Variants in DIS3L2 observed in about 807,000 individuals in gnomAD.
DIS3L2 encodes DIS3 like 3'-5' exoribonuclease 2.
Under a neutral mutation model 97.5 loss-of-function variants are expected in DIS3L2, and 34 were observed. That is an observed-to-expected ratio of 0.35 (90% CI 0.27 to 0.46). DIS3L2 has a LOEUF of 0.46. Among genes scored for constraint, DIS3L2 ranks in the 20% least tolerant of loss-of-function variants. The pLI, the probability that DIS3L2 is intolerant of heterozygous loss-of-function variation, is 1.00. For synonymous variants in DIS3L2, 435 were observed against 445.2 expected, an observed-to-expected ratio of 0.98 and a Z score of 0.29; for missense variants, 1,038 against 1,146.0, an observed-to-expected ratio of 0.91 and a Z score of 1.36.
chr2:232,333,176 G>GCCGCCTCCTCCTCCTCCTCCT, intron 16 of DIS3L2, among the ~76,000 whole-genome samples: 1 of 26,188 alleles, frequency 3.8e-5, no homozygotes, highest in African/African-American at 1.4e-4. Flanking sequence ...CTCCGCTGTC[G>GCCGCCTCCTCCTCCTCCTCCT]CCTCCTCCTC....
At chr2:232,296,537 G>C (rs1346552950) in intron 13 of DIS3L2, among the ~76,000 whole-genome samples, 1 of 152,162 alleles carries the variant, frequency 6.6e-6, no homozygotes, top group South Asian at 2.1e-4. Context: ...ATTGAATTAT[G>C]GGGGTGGGCT....
intron 10 of DIS3L2, among the ~76,000 whole-genome samples, chr2:232,216,536 C>T (rs1459954984): frequency 6.6e-6 from 1 of 152,164 alleles, no homozygotes; most frequent in Non-Finnish European, 1.5e-5. Context: ...CGTGAAGCCT[C>T]CCTAGCCATT....
intron 6 of DIS3L2, among the ~76,000 whole-genome samples, chr2:232,089,334 G>A (rs1158587622): frequency 6.6e-6 from 1 of 152,192 alleles, no homozygotes; most frequent in Admixed American, 6.5e-5. Context: ...TTTGTTTGGG[G>A]ACACGTTTAG....
At chr2:232,134,848 T>C (rs1698313330) in intron 7 of DIS3L2, among the ~76,000 whole-genome samples, 1 of 151,332 alleles carries the variant, frequency 6.6e-6, no homozygotes, top group South Asian at 2.1e-4. Context: ...AAAGTGTGCA[T>C]GTGGTATTGG....
chr2:232,330,916 C>G, intron 16 of DIS3L2, 140 bp downstream of exon 16: 1 of 886,726 alleles, frequency 1.1e-6, no homozygotes, highest in East Asian at 2.5e-5. Flanking sequence ...TGCTCCTCCT[C>G]TGCCAGAGGG....
At chr2:232,067,873 T>C (rs932022106) in intron 5 of DIS3L2, among the ~76,000 whole-genome samples, 13 of 152,210 alleles carry the variant, frequency 8.5e-5, no homozygotes, top group African/African-American at 2.9e-4. Context: ...TTTTCCCTGG[T>C]AATGCCTTTT....
chr2:232,173,267 C>G (rs1394279604), intron 9 of DIS3L2, among the ~76,000 whole-genome samples: 2 of 152,180 alleles, frequency 1.3e-5, no homozygotes, highest in Non-Finnish European at 2.9e-5. Flanking sequence ...GAGATGGCGT[C>G]TCTGTTATCC....
chr2:232,297,141 T>C (rs1694743970), intron 13 of DIS3L2, among the ~76,000 whole-genome samples: 1 of 152,198 alleles, frequency 6.6e-6, no homozygotes, highest in African/African-American at 2.4e-5. Flanking sequence ...CATCATCTCA[T>C]TGGGCTACTG....
At chr2:232,146,868 G>A (rs180918013) in intron 8 of DIS3L2, among the ~76,000 whole-genome samples, 1 of 152,222 alleles carries the variant, frequency 6.6e-6, no homozygotes, top group East Asian at 1.9e-4. Flanking sequence ...CCAACTTTGT[G>A]ATATTAAAGG....
chr2:232,194,598 G>A (rs565102026), intron 9 of DIS3L2, among the ~76,000 whole-genome samples: 12 of 152,306 alleles, frequency 7.9e-5, no homozygotes, highest in South Asian at 2.1e-4. Context: ...GTAATTGTAC[G>A]TTCTAAGAAT....
At chr2:232,341,299 C>T (rs746912956), downstream of DIS3L2, among the ~76,000 whole-genome samples, 14 of 152,172 alleles carry the variant, frequency 9.2e-5, no homozygotes, top group Non-Finnish European at 1.3e-4. Context: ...CAACCCGCCC[C>T]GGGACGTCCC....
chr2:232,160,788 C>T (rs778977604), intron 8 of DIS3L2, among the ~76,000 whole-genome samples: 63 of 152,158 alleles, frequency 4.1e-4, no homozygotes, highest in Non-Finnish European at 4.0e-4. Flanking sequence ...CCTGGGAAGT[C>T]GAGGCTGCAG....
At chr2:232,053,538 C>T (rs558358961) in intron 5 of DIS3L2, among the ~76,000 whole-genome samples, 12 of 152,274 alleles carry the variant, frequency 7.9e-5, no homozygotes, top group East Asian at 3.9e-4. Context: ...TGCCCTCTAC[C>T]CAGGTGCCAG....
intron 1 of DIS3L2, among the ~76,000 whole-genome samples, chr2:232,000,611 T>TC (rs1406039785): frequency 2.5e-4 from 36 of 143,876 alleles, no homozygotes; most frequent in African/African-American, 7.0e-4. Context: ...TCCTTTCCTT[T>TC]CTTTTCCTTT....
At chr2:231,971,676 G>A (rs1692916875) in intron 1 of DIS3L2, among the ~76,000 whole-genome samples, 1 of 151,954 alleles carries the variant, frequency 6.6e-6, no homozygotes, top group Non-Finnish European at 1.5e-5. Context: ...TCGATCTCCT[G>A]ACCTTGTGAT....
intron 5 of DIS3L2, among the ~76,000 whole-genome samples, chr2:232,032,948 TG>T (rs1459010663): frequency 6.6e-6 from 1 of 152,170 alleles, no homozygotes; most frequent in Non-Finnish European, 1.5e-5. Context: ...TTATTGTTTT[TG>T]CTTAGGATTG....
intron 4 of DIS3L2, 50 bp from the exon 5 acceptor site, chr2:232,029,929 C>A (rs763313183): frequency 2.9e-5 from 39 of 1,367,358 alleles, no homozygotes; most frequent in Non-Finnish European, 3.9e-5. Context: ...CTGTTTTTTG[C>A]TTTATGTGTT....
chr2:232,072,784 GT>G (rs879363826), intron 5 of DIS3L2, among the ~76,000 whole-genome samples: 5,741 of 64,090 alleles, frequency 0.09, 166 homozygotes, highest in Non-Finnish European at 0.11. Flanking sequence ...GGGATGTGGG[GT>G]GTGTGTGTGT....
At chr2:232,160,042 A>G (rs1438123492) in intron 8 of DIS3L2, among the ~76,000 whole-genome samples, 1 of 152,204 alleles carries the variant, frequency 6.6e-6, no homozygotes, top group East Asian at 1.9e-4. Flanking sequence ...AATAACTGAT[A>G]TACCTTTGTA....
Sources: gnomAD v4.1 joint callset for allele counts (sites outside exome capture counted in the v4.1 genomes callset) on GRCh38, gnomAD v4.1.1 for gene constraint, MANE v1.5 for transcripts, NCBI Gene and HGNC (gene_info 2026-07-23, HGNC 2026-07-21) for gene names.